Variants in MGAT5 observed in about 807,000 individuals in gnomAD.
MGAT5 encodes alpha-1,6-mannosylglycoprotein 6-beta-N-acetylglucosaminyltransferase A.
In MGAT5, 30 loss-of-function variants were observed where a neutral mutation model predicts 94.3. The observed-to-expected ratio is 0.32, with a 90% CI of 0.24 to 0.43. The LOEUF (loss-of-function observed/expected upper bound fraction) is 0.43. Among genes scored for constraint, MGAT5 ranks in the 20% least tolerant of loss-of-function variants. The pLI is 1.00. For missense variants in MGAT5, 691 were observed against 905.5 expected, an observed-to-expected ratio of 0.76 and a Z score of 3.04; for synonymous variants, 310 against 322.9, an observed-to-expected ratio of 0.96 and a Z score of 0.43.
At chr2:134,322,423 T>C (rs1396667535) in intron 4 of MGAT5, among the ~76,000 whole-genome samples, 1 of 152,204 alleles carries the variant, frequency 6.6e-6, no homozygotes, top group East Asian at 1.9e-4. Context: ...TGTTTTGATA[T>C]GGGTCTGCAT....
chr2:134,159,188 C>CGTGTGTGTGTGTGT lies in MGAT5; in HGVS notation c.-143+38921_-143+38934dup, dbSNP rs138643972. Among the ~76,000 whole-genome samples, 64 of 144,008 alleles carry CGTGTGTGTGTGTGT rather than the reference C, an allele frequency of 4.4e-4. 1 individual carries two copies. The highest frequency in any genetic ancestry group is 6.9e-4 in the South Asian group (3 of 4,318). 94.5% of individuals were successfully genotyped at this position (144,008 alleles called of 152,430 possible). ...CTTCTGGAGAACACTGGTCTAAATTCGTGTGTGTGTGTGTGTGTGTGTGTG... is the reference window on the plus strand; with the variant it reads ...CTTCTGGAGAACACTGGTCTAAATTCGTGTGTGTGTGTGTGTGTGTGTGTGTGTGTGTGTGTGTG... On this transcript the variant is annotated intron_variant, in intron 1 of 16. Transcript: ENST00000409645.
intron 2 of MGAT5, among the ~76,000 whole-genome samples, chr2:134,286,115 T>TA (rs34686392): frequency 0.096 from 14,628 of 152,300 alleles, 841 homozygotes; most frequent in South Asian, 0.25. Flanking sequence ...AAAAAATTCT[T>TA]ACCCTTACCA....
chr2:134,441,260 G>C (rs545862156), intron 14 of MGAT5, among the ~76,000 whole-genome samples: 1 of 151,952 alleles, frequency 6.6e-6, no homozygotes. Context: ...CCTTGCCATT[G>C]AGATAAAAGT....
intron 9 of MGAT5, among the ~76,000 whole-genome samples, chr2:134,356,084 C>T (rs1255221345): frequency 1.3e-5 from 2 of 152,142 alleles, no homozygotes; most frequent in East Asian, 3.8e-4. Context: ...GTGTTAAGTA[C>T]CTGCAACATT....
chr2:134,381,494 C>CCAGA (rs538747520), intron 10 of MGAT5, among the ~76,000 whole-genome samples: 20 of 143,480 alleles, frequency 1.4e-4, no homozygotes, highest in Admixed American at 2.9e-4. Flanking sequence ...AATAGACAGA[C>CCAGA]CAGACAGACA....
At chr2:134,384,530 T>TA (rs997362122) in intron 10 of MGAT5, among the ~76,000 whole-genome samples, 18 of 152,166 alleles carry the variant, frequency 1.2e-4, no homozygotes, top group East Asian at 1.9e-4. Flanking sequence ...AAGTCTCAGT[T>TA]AAAAAAAATA....
At chr2:134,337,510 C>G (rs966033352) in intron 5 of MGAT5, among the ~76,000 whole-genome samples, 1 of 152,018 alleles carries the variant, frequency 6.6e-6, no homozygotes, top group Non-Finnish European at 1.5e-5. Context: ...GATGAGTGTT[C>G]AGAATGAGCT....
At chr2:134,238,933 T>C (rs1010492814) in intron 1 of MGAT5, among the ~76,000 whole-genome samples, 2 of 151,952 alleles carry the variant, frequency 1.3e-5, no homozygotes, top group Non-Finnish European at 2.9e-5. Context: ...GCGACAAGAG[T>C]GAAACTCTGT....
chr2:134,160,504 A>G (rs1180438360), intron 1 of MGAT5, among the ~76,000 whole-genome samples: 2 of 152,136 alleles, frequency 1.3e-5, no homozygotes, highest in African/African-American at 4.8e-5. Flanking sequence ...GGCTCACCCA[A>G]ACTGCTCATG....
intron 10 of MGAT5, among the ~76,000 whole-genome samples, chr2:134,371,323 G>A (rs144136844): frequency 1.3e-5 from 2 of 152,286 alleles, no homozygotes; most frequent in African/African-American, 2.4e-5. Context: ...CGAGTTCCAC[G>A]TTCCAGGCCA....
intron 1 of MGAT5, among the ~76,000 whole-genome samples, chr2:134,179,328 C>A (rs1000264476): frequency 6.6e-6 from 1 of 152,026 alleles, no homozygotes; most frequent in African/African-American, 2.4e-5. Context: ...TTCATGCAGG[C>A]GTAAGTTGTA....
chr2:134,235,939 C>G (rs1200190481), intron 1 of MGAT5, among the ~76,000 whole-genome samples: 2 of 152,088 alleles, frequency 1.3e-5, no homozygotes, highest in Admixed American at 6.5e-5. Flanking sequence ...GTCTTGCTCC[C>G]CCTCCCCTTC....
At chr2:134,177,481 G>T (rs1292497373) in intron 1 of MGAT5, among the ~76,000 whole-genome samples, 2 of 152,164 alleles carry the variant, frequency 1.3e-5, no homozygotes, top group Non-Finnish European at 2.9e-5. Context: ...GTCACCCCTG[G>T]CAGGGAAGCG....
In MGAT5 at chr2:134,318,640, C is replaced by CTT; in HGVS notation, c.484-9_484-8dup. The CTT allele has an allele frequency of 6.2e-7, 1 of 1,609,952 alleles. No homozygotes were observed. The highest frequency in any genetic ancestry group is 8.5e-7 in the Non-Finnish European group (1 of 1,176,418). ...GAATGGGCTGCTCAGAGATGTTCTT[C>CTT]TTGTTTCAGTGGATGAAAGACATGT... On this transcript the variant is annotated splice_polypyrimidine_tract_variant and intron_variant, in intron 3 of 15. Coordinates refer to ENST00000281923, the MANE Select transcript of MGAT5 (RefSeq NM_002410.5).
rs370094167 is a variant in MGAT5 at position 134,130,080 on chromosome 2, G to A, written c.-143+9789G>A. On this transcript the variant is annotated intron_variant, in intron 1 of 16. Coordinates refer to the MGAT5 transcript ENST00000409645. ...GCTTAGCACCCGTGCCAGCAGCTGCGGAGGAGCGCCGGGTCCCCCAGCACT... is the reference window on the plus strand; with the variant it reads ...GCTTAGCACCCGTGCCAGCAGCTGCAGAGGAGCGCCGGGTCCCCCAGCACT... 7.7e-3 allele frequency among the ~76,000 whole-genome samples: 1,169 copies of A among 152,270 alleles called. 10 individuals are homozygous for A. The highest frequency in any genetic ancestry group is 0.021 in the African/African-American group (875 of 41,576).
chr2:134,257,899 C>T (rs1183152162), intron 1 of MGAT5, among the ~76,000 whole-genome samples: 2 of 137,704 alleles, frequency 1.5e-5, no homozygotes, highest in East Asian at 4.9e-4. Flanking sequence ...TACACATCTG[C>T]TTTGAGAGTG....
chr2:134,367,963 A>G (rs372050394), intron 10 of MGAT5, among the ~76,000 whole-genome samples: 9 of 152,230 alleles, frequency 5.9e-5, no homozygotes, highest in South Asian at 2.1e-4. Context: ...AAGGGCAGCT[A>G]TTATCTTCCT....
At chr2:134,164,847 A>C (rs1687892917) in intron 1 of MGAT5, among the ~76,000 whole-genome samples, 1 of 151,990 alleles carries the variant, frequency 6.6e-6, no homozygotes, top group African/African-American at 2.4e-5. Flanking sequence ...CTCAAAAAAA[A>C]AAAACCAAAC....
chr2:134,138,190 A>G (rs1330041138), intron 1 of MGAT5, among the ~76,000 whole-genome samples: 1 of 144,554 alleles, frequency 6.9e-6, no homozygotes, highest in Non-Finnish European at 1.5e-5. Context: ...TAATTTTATT[A>G]AGAAGCTGTT....
Sources: allele counts gnomAD v4.1 joint callset (sites outside exome capture counted in the v4.1 genomes callset), GRCh38; gene constraint gnomAD v4.1.1; transcripts MANE v1.5; gene names NCBI Gene and HGNC (gene_info 2026-07-23, HGNC 2026-07-21).